The following ZNF420 variants were observed in gnomAD, a reference collection of about 807,000 sequenced individuals.
ZNF420 encodes the protein zinc finger protein 420.
A neutral mutation model predicts 44.7 loss-of-function variants in ZNF420; 31 were observed. The ratio of observed to expected loss-of-function variants is 0.69; its 90% CI spans 0.52 to 0.94. ZNF420 has a LOEUF of 0.94. Ranked by LOEUF, ZNF420 falls within the 40% of genes least tolerant of loss-of-function variation. The pLI is 0.00. For synonymous variants in ZNF420, 245 were observed against 267.4 expected (o/e 0.92, Z 0.82); for missense variants, 681 against 827.9 (o/e 0.82, Z 2.18).
intron 4 of ZNF420, among the ~76,000 whole-genome samples, chr19:37,104,449 T>A (rs1345288964): frequency 2.6e-5 from 4 of 152,142 alleles, no homozygotes; most frequent in Admixed American, 6.5e-5. Context: ...TAAACATACG[T>A]GTGCATGTGT....
At chr19:37,052,816 T>C (rs928194607) in intron 1 of ZNF420, among the ~76,000 whole-genome samples, 2 of 152,190 alleles carry the variant, frequency 1.3e-5, no homozygotes, top group African/African-American at 2.4e-5. Context: ...ATTTCAACTT[T>C]GGTGAATCTG....
chr19:37,033,790 T>A (rs1390474263), intron 1 of ZNF420, among the ~76,000 whole-genome samples: 1 of 152,194 alleles, frequency 6.6e-6, no homozygotes, highest in African/African-American at 2.4e-5. Context: ...AGAGTCTCAC[T>A]CTATCGCCCA....
chr19:37,104,556 G>T (rs963969014), intron 4 of ZNF420, among the ~76,000 whole-genome samples: 2 of 152,162 alleles, frequency 1.3e-5, no homozygotes, highest in East Asian at 1.9e-4. Flanking sequence ...TTGCGGAATT[G>T]CCACATTGTC....
intron 1 of ZNF420, among the ~76,000 whole-genome samples, chr19:37,030,152 TTTGTTGTTG>T (rs200374712): frequency 2.0e-5 from 3 of 151,824 alleles, no homozygotes; most frequent in African/African-American, 7.3e-5. Flanking sequence ...GTTCTCTGTT[TTTGTTGTTG>T]TTGTTGTTGT....
chr19:37,033,559 A>T (rs1406213147), intron 1 of ZNF420, among the ~76,000 whole-genome samples: 1 of 152,180 alleles, frequency 6.6e-6, no homozygotes, highest in Non-Finnish European at 1.5e-5. Context: ...GCTAAATAAT[A>T]TTCCACTGTA....
intron 1 of ZNF420, among the ~76,000 whole-genome samples, chr19:37,017,843 C>T (rs572769738): frequency 5.2e-4 from 79 of 152,066 alleles, no homozygotes; most frequent in Admixed American, 7.9e-4. Flanking sequence ...AAACAACAAC[C>T]GGCATCCAAA....
chr19:37,121,714 G>T (rs543486634), intron 4 of ZNF420, among the ~76,000 whole-genome samples: 2 of 152,088 alleles, frequency 1.3e-5, no homozygotes, highest in Non-Finnish European at 2.9e-5. Context: ...GAAAATTTTC[G>T]CAACCTACTC....
intron 1 of ZNF420, among the ~76,000 whole-genome samples, chr19:37,031,098 A>ACC (rs1967249585): frequency 6.6e-6 from 1 of 151,856 alleles, no homozygotes. Context: ...CAGGTGATCC[A>ACC]CCCACCTTGG....
At chr19:37,054,006 C>T (rs189042404) in intron 1 of ZNF420, among the ~76,000 whole-genome samples, 1 of 152,226 alleles carries the variant, frequency 6.6e-6, no homozygotes, top group African/African-American at 2.4e-5. Context: ...GTGGGCTCCA[C>T]CCAGTTGGAG....
intron 4 of ZNF420, among the ~76,000 whole-genome samples, chr19:37,120,903 A>G (rs62108937): frequency 8.5e-4 from 129 of 152,210 alleles, no homozygotes; most frequent in Non-Finnish European, 1.5e-3. Flanking sequence ...AATATCTAGG[A>G]ATCCAACTTA....
At chr19:37,122,463 T>C (rs1179622425) in intron 4 of ZNF420, among the ~76,000 whole-genome samples, 1 of 48,354 alleles carries the variant, frequency 2.1e-5, no homozygotes, top group Non-Finnish European at 4.0e-5. Flanking sequence ...GGGACTGTTG[T>C]GGGGTGGGGG....
chr19:37,084,234 C>T (rs1044319925), intron 2 of ZNF420, among the ~76,000 whole-genome samples: 1 of 152,158 alleles, frequency 6.6e-6, no homozygotes, highest in African/African-American at 2.4e-5. Flanking sequence ...TATATTGGGT[C>T]TAATGTCAAA....
intron 1 of ZNF420, among the ~76,000 whole-genome samples, chr19:37,039,011 A>G (rs1312136130): frequency 6.6e-6 from 1 of 152,054 alleles, no homozygotes; most frequent in Non-Finnish European, 1.5e-5. Flanking sequence ...AAGAAAAGAA[A>G]AAAGATTGCA....
chr19:37,120,213 A>G (rs1970949408), intron 4 of ZNF420, among the ~76,000 whole-genome samples: 1 of 152,236 alleles, frequency 6.6e-6, no homozygotes, highest in African/African-American at 2.4e-5. Flanking sequence ...CATTGATGCA[A>G]AAATCCTCAA....
chr19:37,054,740 C>T (rs1182575626), intron 1 of ZNF420, among the ~76,000 whole-genome samples: 2 of 152,198 alleles, frequency 1.3e-5, no homozygotes, highest in Non-Finnish European at 2.9e-5. Context: ...GGTCAACAGA[C>T]CTGTCTTGTC....
chr19:37,009,523 C>T (rs931697874), intron 1 of ZNF420, among the ~76,000 whole-genome samples: 2 of 152,204 alleles, frequency 1.3e-5, no homozygotes, highest in Non-Finnish European at 2.9e-5. Flanking sequence ...GACGCCAGTG[C>T]CACGTTTGGT....
Position 37,011,095 on chromosome 19 carries a change from A to G in ZNF420, c.-125+3013A>G, listed in dbSNP as rs189085464. Among the ~76,000 whole-genome samples, 206 of 152,206 alleles carry G rather than the reference A, an allele frequency of 1.4e-3. 1 individual carries two copies. The highest frequency in any genetic ancestry group is 4.3e-3 in the African/African-American group (177 of 41,536). Reference sequence around the variant, plus strand: ...CTGCCTGGGCTCTCGCCTCTGCTCTATCCTCCCTCTTGCTCTGTCTGCCCT... The same window carrying G: ...CTGCCTGGGCTCTCGCCTCTGCTCTGTCCTCCCTCTTGCTCTGTCTGCCCT... On this transcript the variant is annotated intron_variant, in intron 1 of 4. Coordinates refer to the ZNF420 transcript ENST00000587029.
intron 4 of ZNF420, among the ~76,000 whole-genome samples, chr19:37,094,724 A>G (rs2146560256): frequency 6.6e-6 from 1 of 152,304 alleles, no homozygotes; most frequent in East Asian, 1.9e-4. Context: ...GAGATAAGAA[A>G]TTGACATCTC....
intron 1 of ZNF420, among the ~76,000 whole-genome samples, chr19:37,070,791 T>C (rs1968046020): frequency 6.6e-6 from 1 of 152,232 alleles, no homozygotes; most frequent in Non-Finnish European, 1.5e-5. Context: ...AAATCCCCTT[T>C]GGAAAATATT....
Sources: allele counts gnomAD v4.1 joint callset (sites outside exome capture counted in the v4.1 genomes callset), GRCh38; gene constraint gnomAD v4.1.1; transcripts MANE v1.5; gene names NCBI Gene and HGNC (gene_info 2026-07-23, HGNC 2026-07-21).